Variants in SLC25A37 observed in about 807,000 individuals in gnomAD.
The protein encoded by SLC25A37 is solute carrier family 25 member 37, also known as mitoferrin-1.
Under a neutral mutation model 31.0 loss-of-function variants are expected in SLC25A37, and 17 were observed. That is an observed-to-expected ratio of 0.55 (90% CI 0.38 to 0.82). The LOEUF (loss-of-function observed/expected upper bound fraction) is 0.82, where lower values mean the gene tolerates loss of function less well. Among genes scored for constraint, SLC25A37 ranks in the 40% least tolerant of loss-of-function variants. The probability of loss-of-function intolerance (pLI) is 0.00; values close to 1 mark genes in which losing one functional copy is unlikely to be tolerated. For synonymous variants in SLC25A37, 222 were observed against 193.0 expected (o/e 1.15, Z -1.24); for missense variants, 404 against 465.8 (o/e 0.87, Z 1.22).
In SLC25A37 at chr8:23,571,375, G is replaced by T; in HGVS notation, c.537G>T (p.Arg179=). The T allele has an allele frequency of 6.2e-7, 1 of 1,610,316 alleles. No homozygotes were observed. The highest frequency in any genetic ancestry group is 8.5e-7 in the Non-Finnish European group (1 of 1,178,028). ...QRLQMYNSQH[R]SAISCIRTVW... Reference sequence around the variant, plus strand: ...TGCAGATGTACAACTCGCAGCACCGGTCAGCAATCAGCTGCATCCGGACGG... The same window carrying T: ...TGCAGATGTACAACTCGCAGCACCGTTCAGCAATCAGCTGCATCCGGACGG... Residue 179 remains arginine (R), a synonymous_variant, in exon 4 of 4, where the codon CGG becomes CGT. Coordinates refer to ENST00000519973, the MANE Select transcript of SLC25A37 (RefSeq NM_016612.4).
At chr8:23,548,472 C>G in intron 1 of SLC25A37, among the ~76,000 whole-genome samples, 1 of 144,034 alleles carries the variant, frequency 6.9e-6, no homozygotes, top group East Asian at 2.1e-4. Flanking sequence ...GCCACCACGT[C>G]CGGGCTTTTT....
chr8:23,573,869 T>G lies in SLC25A37; in HGVS notation c.*2014T>G. On this transcript the variant is annotated 3_prime_UTR_variant, in exon 4 of 4. Coordinates refer to ENST00000519973, the MANE Select transcript of SLC25A37 (RefSeq NM_016612.4). ...GTTGCAGCCTCAACCCACATGGGGA[T>G]GTAGAAAGCCGTAAAGTCCACGCTA... 2.2e-6 allele frequency: 1 copy of G among 456,694 alleles called. No individual in the cohort carries two copies. Among genetic ancestry groups the G allele is most frequent in the East Asian group, 6.9e-5 (1 of 14,394 alleles). The allele number at this position is 456,694 out of a possible 1,614,324, so 28.3% of individuals were successfully genotyped here. A position where few individuals can be genotyped will look rare whatever the true frequency, so the allele number is the denominator to read the frequency against.
At chr8:23,544,410 C>T (rs984715885) in intron 1 of SLC25A37, among the ~76,000 whole-genome samples, 5 of 152,164 alleles carry the variant, frequency 3.3e-5, no homozygotes, top group African/African-American at 2.4e-5. Context: ...ATTTGCGATG[C>T]GTGACTGTAA....
At chr8:23,566,780 T>A in intron 2 of SLC25A37, 1 of 989,462 alleles carries the variant, frequency 1.0e-6, no homozygotes, top group Non-Finnish European at 1.2e-6. Context: ...ACAACAGGTC[T>A]CTACAACGCC....
rs945152162 is a variant in SLC25A37 at position 23,572,534 on chromosome 8, A to C, written c.*679A>C. 6.6e-6 allele frequency: 1 copy of C among 152,614 alleles called. No individual in the cohort carries two copies. The highest frequency in any genetic ancestry group is 2.4e-5 in the African/African-American group (1 of 41,440). 9.5% of individuals were successfully genotyped at this position (152,614 alleles called of 1,614,324 possible). A position where few individuals can be genotyped will look rare whatever the true frequency, so the allele number is the denominator to read the frequency against. ...AAGTTTCACTTGAATGTAAAATAAT[A>C]AAGTTTATATTTTGAATTTCTCTTT... On this transcript the variant is annotated 3_prime_UTR_variant, in exon 4 of 4. Transcript: ENST00000519973.
chr8:23,545,007 G>A (rs1313828906), intron 1 of SLC25A37, among the ~76,000 whole-genome samples: 2 of 152,208 alleles, frequency 1.3e-5, no homozygotes, highest in African/African-American at 2.4e-5. Flanking sequence ...TCTGCTCATC[G>A]TTGGCTCATA....
At chr8:23,546,545 A>AGG (rs1554497876) in intron 1 of SLC25A37, among the ~76,000 whole-genome samples, 27 of 17,730 alleles carry the variant, frequency 1.5e-3, no homozygotes, top group African/African-American at 6.1e-3. Context: ...ATATATATAT[A>AGG]TATATATAGT....
chr8:23,564,107 AG>A (rs1409558599), intron 1 of SLC25A37, among the ~76,000 whole-genome samples: 1 of 152,116 alleles, frequency 6.6e-6, no homozygotes, highest in Admixed American at 6.5e-5. Flanking sequence ...TTTGTGGTGG[AG>A]GGCAGTGGTG....
At chr8:23,542,118 A>T (rs1478434398) in intron 1 of SLC25A37, among the ~76,000 whole-genome samples, 2 of 152,078 alleles carry the variant, frequency 1.3e-5, no homozygotes, top group Non-Finnish European at 2.9e-5. Flanking sequence ...TCAACTATGG[A>T]CTCCATATGT....
intron 1 of SLC25A37, among the ~76,000 whole-genome samples, chr8:23,547,498 A>G (rs530414327): frequency 1.3e-5 from 2 of 152,320 alleles, no homozygotes; most frequent in South Asian, 4.1e-4. Context: ...TTGAACTAAC[A>G]CTACATGATT....
At chr8:23,565,618 G>A (rs1802632647) in intron 1 of SLC25A37, among the ~76,000 whole-genome samples, 1 of 152,314 alleles carries the variant, frequency 6.6e-6, no homozygotes, top group Admixed American at 6.5e-5. Context: ...CATGGTGTAG[G>A]GACTGAATAG....
chr8:23,557,867 A>G (rs948166595), intron 1 of SLC25A37, among the ~76,000 whole-genome samples: 1 of 152,202 alleles, frequency 6.6e-6, no homozygotes, highest in East Asian at 1.9e-4. Flanking sequence ...AGAGGCTAAC[A>G]TTTGGCATTT....
chr8:23,562,175 C>G (rs1802533506), intron 1 of SLC25A37, among the ~76,000 whole-genome samples: 1 of 152,212 alleles, frequency 6.6e-6, no homozygotes, highest in Non-Finnish European at 1.5e-5. Context: ...CTGCCATTCT[C>G]CAAAGTGTGG....
intron 1 of SLC25A37, among the ~76,000 whole-genome samples, chr8:23,558,929 TC>T (rs911608209): frequency 2.6e-5 from 4 of 152,190 alleles, no homozygotes; most frequent in Non-Finnish European, 4.4e-5. Context: ...ACCACCTGCC[TC>T]CGGCCTGCTC....
chr8:23,569,425 A>ACT (rs1554500832), intron 3 of SLC25A37, among the ~76,000 whole-genome samples: 22 of 146,388 alleles, frequency 1.5e-4, no homozygotes, highest in African/African-American at 5.1e-4. Context: ...ACACACACAC[A>ACT]CACTCACTCT....
chr8:23,549,490 A>G (rs2117416666), intron 1 of SLC25A37, among the ~76,000 whole-genome samples: 1 of 152,314 alleles, frequency 6.6e-6, no homozygotes, highest in East Asian at 1.9e-4. Flanking sequence ...TGTCTAGCAT[A>G]AATTCAGCAA....
chr8:23,531,483 G>A (rs1319555463), intron 1 of SLC25A37, among the ~76,000 whole-genome samples: 3 of 152,118 alleles, frequency 2.0e-5, no homozygotes, highest in South Asian at 4.1e-4. Context: ...CCCATGCCTC[G>A]TTTCTCTGAA....
chr8:23,550,927 C>T (rs773430882), intron 1 of SLC25A37, among the ~76,000 whole-genome samples: 13 of 152,198 alleles, frequency 8.5e-5, no homozygotes, highest in Admixed American at 2.6e-4. Context: ...TGAACTTGGG[C>T]GGCCTCTGGC....
Position 23,571,546 on chromosome 8 carries a change from C to T in SLC25A37, c.708C>T (p.Ser236=). ...CCCACCGGACCTACAACCCGCAGTC[C>T]CACATCATCTCAGGCGGGCTGGCCG... ...VNPHRTYNPQ[S]HIISGGLAGA... The change falls in exon 4 of 4, where the codon TCC becomes TCT. Residue 236 remains serine, a synonymous_variant. Transcript: ENST00000519973. 3.7e-6 allele frequency: 6 copies of T among 1,613,928 alleles called. No homozygotes were observed. Among genetic ancestry groups the T allele is most frequent in the Non-Finnish European group, 5.1e-6 (6 of 1,179,862 alleles).
Sources: gnomAD v4.1 joint callset for allele counts (sites outside exome capture counted in the v4.1 genomes callset) on GRCh38, gnomAD v4.1.1 for gene constraint, MANE v1.5 for transcripts, NCBI Gene and HGNC (gene_info 2026-07-23, HGNC 2026-07-21) for gene names.